The following ANKFY1 variants were observed in gnomAD, a reference collection of about 807,000 sequenced individuals.
ANKFY1 encodes the protein ankyrin repeat and FYVE domain-containing protein 1.
ANKFY1 carries 47 observed loss-of-function variants against 128.3 expected under a neutral mutation model. The observed-to-expected ratio is 0.37, with a 90% CI of 0.29 to 0.47. The LOEUF (loss-of-function observed/expected upper bound fraction) is 0.47, where lower values mean the gene tolerates loss of function less well. Among genes scored for constraint, ANKFY1 ranks in the 20% least tolerant of loss-of-function variants. The pLI is 1.00. For synonymous variants in ANKFY1, 553 were observed against 601.6 expected (o/e 0.92, Z 1.18); for missense variants, 1,222 against 1,510.6 (o/e 0.81, Z 3.17).
At chr17:4,245,551 G>A (rs1031131253) in intron 1 of ANKFY1, among the ~76,000 whole-genome samples, 2 of 151,428 alleles carry the variant, frequency 1.3e-5, no homozygotes, top group Non-Finnish European at 2.9e-5. Context: ...ATGTTGCCAG[G>A]GCTACGTTGT....
chr17:4,176,658 T>C (rs1598013949), intron 19 of ANKFY1, among the ~76,000 whole-genome samples: 1 of 152,224 alleles, frequency 6.6e-6, no homozygotes, highest in South Asian at 2.1e-4. Flanking sequence ...AAAGCAGGCT[T>C]TGGAGTCCAA....
In ANKFY1 at chr17:4,169,076, G is replaced by T; in HGVS notation, c.3377+122C>A. Reference sequence around the variant, plus strand: ...TGTGCTCATCTCATCCCTCCATTTGGTCAAGGTTTGCCCATCAATGTGCAG... The same window carrying T: ...TGTGCTCATCTCATCCCTCCATTTGTTCAAGGTTTGCCCATCAATGTGCAG... On this transcript the variant is annotated intron_variant, in intron 24 of 24. Transcript: ENST00000341657. This position sits in a 1 kb window ranked among gnomAD's most constrained non-coding sequence, Gnocchi z 5.0. The T allele has an allele frequency of 1.2e-6, 1 of 849,818 alleles. No individual in the cohort carries two copies. The highest frequency in any genetic ancestry group is 1.9e-6 in the Non-Finnish European group (1 of 530,846). 52.6% of individuals were successfully genotyped at this position (849,818 alleles called of 1,614,324 possible).
chr17:4,186,323 A>C (rs138869857), intron 11 of ANKFY1: 1 of 152,850 alleles, frequency 6.5e-6, no homozygotes, highest in African/African-American at 2.4e-5. Context: ...TCTTGTAAAA[A>C]TCAGCAAGAT....
chr17:4,187,271 T>G (rs921533828), intron 11 of ANKFY1: 5 of 398,662 alleles, frequency 1.3e-5, no homozygotes, highest in African/African-American at 2.1e-5. Context: ...AGACTGATTC[T>G]GCAATTCCTG....
chr17:4,235,564 G>A (rs1266235446), intron 3 of ANKFY1, among the ~76,000 whole-genome samples: 1 of 152,054 alleles, frequency 6.6e-6, no homozygotes, highest in African/African-American at 2.4e-5. Flanking sequence ...TGTTAGCCAG[G>A]TATTACCTCC....
intron 2 of ANKFY1, among the ~76,000 whole-genome samples, chr17:4,237,465 CAAG>C (rs1966963716): frequency 6.6e-6 from 1 of 152,086 alleles, no homozygotes; most frequent in South Asian, 2.1e-4. Context: ...TTAATGAAAA[CAAG>C]AAGTTACCTA....
chr17:4,177,928 GAGTGTGGAGGCGGCAGCGAGGGCGACCCC>G (rs2059437642), intron 18 of ANKFY1: 2 of 152,462 alleles, frequency 1.3e-5, no homozygotes, highest in African/African-American at 4.8e-5. Context: ...GTCTTAGCAT[GAGTGTGGAGGCGGCAGCGAGGGCGACCCC>G]AGTGCCACAC....
At chr17:4,246,680 GCTC>G (rs1233706104) in intron 1 of ANKFY1, among the ~76,000 whole-genome samples, 1 of 152,122 alleles carries the variant, frequency 6.6e-6, no homozygotes, top group Admixed American at 6.5e-5. Flanking sequence ...TAAATCTTTT[GCTC>G]CTCAAGACCT....
chr17:4,183,948 C>T (rs1001137301), intron 12 of ANKFY1, 38 bp from the exon 13 acceptor site: 2 of 1,542,708 alleles, frequency 1.3e-6, no homozygotes, highest in Admixed American at 3.3e-5. Context: ...CTTGATGTCA[C>T]CATCTGTGGA....
intron 1 of ANKFY1, among the ~76,000 whole-genome samples, chr17:4,260,830 C>G (rs950263627): frequency 6.6e-6 from 1 of 152,098 alleles, no homozygotes; most frequent in African/African-American, 2.4e-5. Context: ...TCTCACGATC[C>G]TATTTACTAT....
Position 4,169,297 on chromosome 17 carries a change from CA to C in ANKFY1, c.3287-10del. The C allele has an allele frequency of 1.3e-6, 2 of 1,543,642 alleles. No individual in the cohort carries two copies. Among genetic ancestry groups the C allele is most frequent in the Non-Finnish European group, 1.8e-6 (2 of 1,141,754 alleles). On this transcript the variant is annotated splice_polypyrimidine_tract_variant and intron_variant, in intron 23 of 24. Transcript: ENST00000341657. The surrounding 1 kb of genome is among the most constrained non-coding windows in gnomAD (Gnocchi z 5.0). ...CTCCTTGGACAGCATATCTGCAACACAGGGGGGAGGCCCGGTCCCGTCAAAC... is the reference window on the plus strand; with the variant it reads ...CTCCTTGGACAGCATATCTGCAACACGGGGGGAGGCCCGGTCCCGTCAAAC...
chr17:4,261,380 T>C (rs987427748), intron 1 of ANKFY1, among the ~76,000 whole-genome samples: 1 of 152,208 alleles, frequency 6.6e-6, no homozygotes, highest in Non-Finnish European at 1.5e-5. Flanking sequence ...CTTGGGATGC[T>C]GAGGTGGAAG....
At chr17:4,186,732 G>A (rs543419628) in intron 11 of ANKFY1, 21 of 844,994 alleles carry the variant, frequency 2.5e-5, no homozygotes, top group African/African-American at 2.4e-4. Flanking sequence ...CCTCCTCCTC[G>A]GGGCTGTCTT....
chr17:4,263,484 C>A, intron 1 of ANKFY1: 29 of 837,220 alleles, frequency 3.5e-5, no homozygotes, highest in Non-Finnish European at 4.8e-5. Flanking sequence ...CCCCACCTCA[C>A]CCCAACCCAG....
chr17:4,208,507 C>A (rs1186190916), intron 5 of ANKFY1, among the ~76,000 whole-genome samples: 1 of 152,200 alleles, frequency 6.6e-6, no homozygotes, highest in Non-Finnish European at 1.5e-5. Context: ...AAAATCAATT[C>A]CAACTTCCAC....
chr17:4,180,983 C>G (rs1457462716), intron 16 of ANKFY1: 1 of 390,024 alleles, frequency 2.6e-6, no homozygotes, highest in Non-Finnish European at 4.8e-6. Flanking sequence ...ACTGGTCTGC[C>G]GTGACTACAG....
chr17:4,181,117 G>T lies in ANKFY1; in HGVS notation c.2240+137C>A. The T allele has an allele frequency of 1.5e-6, 1 of 682,222 alleles. No homozygotes were observed. The highest frequency in any genetic ancestry group is 1.9e-5 in the South Asian group (1 of 52,354). The allele number at this position is 682,222 out of a possible 1,614,324, so 42.3% of individuals were successfully genotyped here. A position where few individuals can be genotyped will look rare whatever the true frequency, so the allele number is the denominator to read the frequency against. ...GGCTGACTTGACATGACAGAACAGT[G>T]ACTCTCTGATAACCTTAACTGTGAA... On this transcript the variant is annotated intron_variant, in intron 16 of 24. Transcript: ENST00000341657. The surrounding 1 kb of genome is among the most constrained non-coding windows in gnomAD (Gnocchi z 4.9).
chr17:4,235,921 A>G (rs1296291076), intron 2 of ANKFY1, 31 bp from the exon 3 acceptor site: 1 of 1,502,604 alleles, frequency 6.7e-7, no homozygotes, highest in Non-Finnish European at 9.3e-7. Flanking sequence ...CATATATTAG[A>G]AAAATGTCAT....
At chr17:4,198,236 CTCTT>C (rs938493311) in intron 7 of ANKFY1, among the ~76,000 whole-genome samples, 1 of 152,048 alleles carries the variant, frequency 6.6e-6, no homozygotes, top group Non-Finnish European at 1.5e-5. Flanking sequence ...CTCTCTCTTT[CTCTT>C]TCTTTCTTAT....
Sources: gnomAD v4.1 joint callset for allele counts (sites outside exome capture counted in the v4.1 genomes callset) on GRCh38, gnomAD v4.1.1 for gene constraint, Gnocchi (gnomAD v3.1) non-coding constraint, MANE v1.5 for transcripts, NCBI Gene and HGNC (gene_info 2026-07-23, HGNC 2026-07-21) for gene names.